The following POU1F1 variants were observed in gnomAD, a reference collection of about 807,000 sequenced individuals.
POU1F1 encodes the protein POU class 1 homeobox 1, also known as pituitary-specific positive transcription factor 1.
A neutral mutation model predicts 32.3 loss-of-function variants in POU1F1; 23 were observed. The observed-to-expected ratio is 0.71, with a 90% CI of 0.51 to 1.01. The LOEUF (loss-of-function observed/expected upper bound fraction) is 1.01, where lower values mean the gene tolerates loss of function less well. Ranked by LOEUF, POU1F1 falls within the 50% of genes least tolerant of loss-of-function variation. The probability of loss-of-function intolerance (pLI) is 0.00; values close to 1 mark genes in which losing one functional copy is unlikely to be tolerated. For synonymous variants in POU1F1, 120 were observed against 115.6 expected (o/e 1.04, Z -0.25); for missense variants, 323 against 341.6 (o/e 0.95, Z 0.43).
chr3:87,261,439 A>C (rs1362283906), intron 4 of POU1F1, 106 bp from the exon 5 acceptor site: 8 of 861,116 alleles, frequency 9.3e-6, no homozygotes, highest in African/African-American at 8.6e-5. Flanking sequence ...GCAAAATAAA[A>C]ATGCTAGACA....
Position 87,273,375 on chromosome 3 carries a change from G to C in POU1F1, c.186C>G (p.Asn62Lys). 1.9e-6 allele frequency: 3 copies of C among 1,612,848 alleles called. No homozygotes were observed. Among genetic ancestry groups the C allele is most frequent in the Non-Finnish European group, 2.5e-6 (3 of 1,179,332 alleles). Residue 62 changes from asparagine to lysine, a missense_variant, in exon 2 of 6, where the codon AAC (asparagine) becomes AAG (lysine). Transcript: ENST00000350375. ...HYSVPSCHYG[N>K]QPSTYGVMAG... ...CCATCACTCCATAGGTTGATGGCTG[G>C]TTTCCATAATGACAGGAAGGAACAG...
chr3:87,268,317 G>A (rs996271635), intron 2 of POU1F1, among the ~76,000 whole-genome samples: 3 of 151,886 alleles, frequency 2.0e-5, no homozygotes, highest in African/African-American at 7.3e-5. Context: ...ACATTGGCCA[G>A]GCTATTCTCG....
intron 3 of POU1F1, among the ~76,000 whole-genome samples, chr3:87,262,638 G>A (rs891451317): frequency 4.6e-5 from 7 of 151,470 alleles, no homozygotes; most frequent in South Asian, 2.1e-4. Context: ...TAAAATATAC[G>A]GTTATATATC....
intron 2 of POU1F1, among the ~76,000 whole-genome samples, chr3:87,265,349 G>A (rs1706598662): frequency 6.6e-6 from 1 of 152,186 alleles, no homozygotes; most frequent in African/African-American, 2.4e-5. Flanking sequence ...ACTCTACTGA[G>A]TGGATATGTT....
rs1706793866 is a variant in POU1F1 at position 87,274,623 on chromosome 3, C to CGG, written c.143-1206_143-1205insCC. Among the ~76,000 whole-genome samples, 8 of 151,440 alleles carry CGG rather than the reference C, an allele frequency of 5.3e-5. No homozygotes were observed. In the East Asian group the frequency reaches 1.6e-3, roughly 30 times the overall value. ...AAGTCATTTTGCAATATAATGATTA[C>CGG]ATATAATGCATTACTGTGCATTCCA... is the stretch of plus-strand genomic sequence containing the variant. On this transcript the variant is annotated intron_variant, in intron 1 of 5. Coordinates refer to ENST00000350375, the MANE Select transcript of POU1F1 (RefSeq NM_000306.4).
intron 2 of POU1F1, among the ~76,000 whole-genome samples, chr3:87,268,055 T>C (rs1192983001): frequency 1.3e-5 from 2 of 150,362 alleles, no homozygotes; most frequent in Non-Finnish European, 3.0e-5. Context: ...ATGTGATGTG[T>C]GATACATTTT....
chr3:87,266,219 T>C (rs988577737), intron 2 of POU1F1, among the ~76,000 whole-genome samples: 1 of 147,298 alleles, frequency 6.8e-6, no homozygotes, highest in Admixed American at 6.8e-5. Flanking sequence ...ATGTAGTTAT[T>C]TATTTAATTT....
At chr3:87,265,802 C>G (rs1049459477) in intron 2 of POU1F1, among the ~76,000 whole-genome samples, 1 of 151,978 alleles carries the variant, frequency 6.6e-6, no homozygotes, top group Admixed American at 6.6e-5. Flanking sequence ...TATGCAAATA[C>G]TACACCATTT....
In POU1F1 at chr3:87,262,169, G is replaced by A. The variant is rs1706526157; in HGVS notation, c.506C>T (p.Thr169Ile). Residue 169 changes from threonine to isoleucine, a missense_variant, in exon 4 of 6, where the codon ACA becomes ATA. Physicochemically the swap from Thr to Ile is moderately conservative, Grantham distance 89. Coordinates refer to ENST00000350375, the MANE Select transcript of POU1F1 (RefSeq NM_000306.4). Reference protein sequence around the residue: ...AVHGSEFSQTTICRFENLQLS... With the variant: ...AVHGSEFSQTIICRFENLQLS... ...CTGCAGATTTTCAAATCGGCAGATT[G>A]TTGTTTGACTGAATTCAGAGCCATG... The A allele has an allele frequency of 6.2e-7, 1 of 1,613,998 alleles. No homozygotes were observed. Among genetic ancestry groups the A allele is most frequent in the Non-Finnish European group, 8.5e-7 (1 of 1,180,000 alleles).
At chr3:87,262,603 A>C (rs72563135) in intron 3 of POU1F1, among the ~76,000 whole-genome samples, 1 of 152,182 alleles carries the variant, frequency 6.6e-6, no homozygotes, top group East Asian at 1.9e-4. Context: ...TGCTCAAAAA[A>C]TTTTAATATA....
intron 2 of POU1F1, among the ~76,000 whole-genome samples, chr3:87,271,149 A>AG (rs1239058848): frequency 1.3e-5 from 2 of 152,104 alleles, no homozygotes; most frequent in African/African-American, 4.8e-5. Context: ...AGGCTCTTCC[A>AG]GGGGTCTTTA....
chr3:87,271,191 GA>G (rs1300075071), intron 2 of POU1F1, among the ~76,000 whole-genome samples: 1 of 152,106 alleles, frequency 6.6e-6, no homozygotes, highest in Non-Finnish European at 1.5e-5. Context: ...GAGGTTCGTG[GA>G]AGAGGGTTTG....
chr3:87,263,021 C>G (rs1014567395), intron 3 of POU1F1, among the ~76,000 whole-genome samples: 1 of 152,028 alleles, frequency 6.6e-6, no homozygotes, highest in African/African-American at 2.4e-5. Context: ...AAAATGGTTG[C>G]ATATGATGCC....
At chr3:87,269,500 A>G (rs556549834) in intron 2 of POU1F1, among the ~76,000 whole-genome samples, 1 of 152,294 alleles carries the variant, frequency 6.6e-6, no homozygotes, top group East Asian at 1.9e-4. Context: ...AACCAGAACA[A>G]TTTAGGGCCA....
chr3:87,268,556 G>A lies in POU1F1; in HGVS notation c.215-4044C>T, dbSNP rs76248358. Among the ~76,000 whole-genome samples, 854 of 152,194 alleles carry A rather than the reference G, an allele frequency of 5.6e-3. 9 individuals carry two copies. The highest frequency in any genetic ancestry group is 0.02 in the African/African-American group (820 of 41,526). ...TCTAGCATCTGAGCCTGCATTTGGG[G>A]GAGTGTGGAGAGTGATTGGGATGAT... On this transcript the variant is annotated intron_variant, in intron 2 of 5. Transcript: ENST00000350375.
intron 2 of POU1F1, among the ~76,000 whole-genome samples, chr3:87,272,079 G>T (rs1405769216): frequency 1.6e-4 from 23 of 144,300 alleles, no homozygotes; most frequent in Middle Eastern, 3.6e-3. Flanking sequence ...TTTGTCTGCG[G>T]TTTTTTTTTT....
At chr3:87,273,823 TAGA>T (rs927367482) in intron 1 of POU1F1, among the ~76,000 whole-genome samples, 2 of 152,180 alleles carry the variant, frequency 1.3e-5, no homozygotes, top group East Asian at 1.9e-4. Flanking sequence ...ACTCGCCGAC[TAGA>T]AGAATAGTCC....
In POU1F1 at chr3:87,276,521, A is replaced by C. The variant is rs1706831189; in HGVS notation, c.-59T>G. 1 of 1,578,774 alleles carries C rather than the reference A, an allele frequency of 6.3e-7. No individual in the cohort carries two copies. Among genetic ancestry groups the C allele is most frequent in the Non-Finnish European group, 8.6e-7 (1 of 1,157,548 alleles). ...CTGCTCCCCAAATCAGAGTTTTATT[A>C]TATTACTGTCTCAAAGGGCCGATTC... On this transcript the variant is annotated 5_prime_UTR_variant, in exon 1 of 6. Coordinates refer to ENST00000350375, the MANE Select transcript of POU1F1 (RefSeq NM_000306.4).
rs549215047 is a variant in POU1F1 at position 87,271,018 on chromosome 3, G to A, written c.214+2329C>T. Among the ~76,000 whole-genome samples, 9 of 152,030 alleles carry A rather than the reference G, an allele frequency of 5.9e-5. No homozygotes were observed. In the South Asian group the frequency reaches 1.9e-3, roughly 32 times the overall value. ...ATTCAAATATCTTTGTGCTTGTGATGGTGAGTTTTTCTTTCAGTCACAGAA... is the reference window on the plus strand; with the variant it reads ...ATTCAAATATCTTTGTGCTTGTGATAGTGAGTTTTTCTTTCAGTCACAGAA... On this transcript the variant is annotated intron_variant, in intron 2 of 5. Transcript: ENST00000350375.
Sources: allele counts gnomAD v4.1 joint callset (sites outside exome capture counted in the v4.1 genomes callset), GRCh38; gene constraint gnomAD v4.1.1; transcripts MANE v1.5; gene names NCBI Gene and HGNC (gene_info 2026-07-23, HGNC 2026-07-21).